Variants in RGSL1 observed in about 807,000 individuals in gnomAD.
The protein encoded by RGSL1 is regulator of G protein signaling like 1.
A neutral mutation model predicts 124.7 loss-of-function variants in RGSL1; 97 were observed. The ratio of observed to expected loss-of-function variants is 0.78; its 90% CI spans 0.66 to 0.92. The LOEUF (loss-of-function observed/expected upper bound fraction) is 0.92, where lower values mean the gene tolerates loss of function less well. RGSL1 is among the 40% of genes least tolerant of loss of function. The pLI is 0.00. For synonymous variants in RGSL1, 424 were observed against 438.1 expected (o/e 0.97, Z 0.40); for missense variants, 1,233 against 1,288.4 (o/e 0.96, Z 0.66).
Position 182,460,127 on chromosome 1 carries a change from G to T in RGSL1, c.295G>T (p.Glu99Ter). The change falls in exon 4 of 22, where the codon GAA becomes TAA. Residue 99 changes from glutamate (E) to a stop codon, truncating the protein, a stop_gained. Coordinates refer to ENST00000294854, the MANE Select transcript of RGSL1 (RefSeq NM_001137669.2). LOFTEE classifies it high-confidence loss of function. Reference protein sequence around the residue: ...QEFISFIKSPEGGEELVDFWI... With the variant: ...QEFISFIKSP ...GTTCATCAGTTTCATTAAGTCCCCA[G>T]AAGGAGGTAAGCATTGGTGTGCATG... is the stretch of plus-strand genomic sequence containing the variant. 1 of 1,550,456 alleles carries T rather than the reference G, an allele frequency of 6.4e-7. No individual in the cohort carries two copies. Among genetic ancestry groups the T allele is most frequent in the Non-Finnish European group, 8.7e-7 (1 of 1,146,688 alleles).
intron 4 of RGSL1, among the ~76,000 whole-genome samples, chr1:182,465,636 C>T (rs562064383): frequency 6.6e-6 from 1 of 152,030 alleles, no homozygotes; most frequent in East Asian, 1.9e-4. Flanking sequence ...TCTGAGTAGA[C>T]CTATAACTAG....
intron 9 of RGSL1, among the ~76,000 whole-genome samples, chr1:182,502,530 C>G (rs1263139596): frequency 6.6e-6 from 1 of 152,136 alleles, no homozygotes; most frequent in Non-Finnish European, 1.5e-5. Flanking sequence ...GACCTATGAT[C>G]ATGCCACAGT....
At chr1:182,516,614 T>C (rs482061) in intron 9 of RGSL1, among the ~76,000 whole-genome samples, 131,519 of 152,156 alleles carry the variant, frequency 0.86, 57,165 homozygotes, top group Non-Finnish European at 0.89. Flanking sequence ...GTATTATAGA[T>C]TTTTGCATTG....
intron 8 of RGSL1, among the ~76,000 whole-genome samples, chr1:182,491,318 C>G (rs138134055): frequency 1.3e-5 from 2 of 152,082 alleles, no homozygotes; most frequent in Non-Finnish European, 2.9e-5. Flanking sequence ...CAGGTTCATG[C>G]AATTCTCCTG....
intron 9 of RGSL1, among the ~76,000 whole-genome samples, chr1:182,505,526 C>T (rs533472272): frequency 1.3e-5 from 2 of 152,254 alleles, no homozygotes; most frequent in East Asian, 3.9e-4. Context: ...CCATTTTTGT[C>T]GTATCCTTAG....
At position 182,453,985 on chromosome 1, in the gene RGSL1, T is replaced by TTCTGCTAGAGG; in HGVS notation, c.42_52dup (p.Asp18ValfsTer3). The TTCTGCTAGAGG allele has an allele frequency of 6.5e-7, 1 of 1,532,610 alleles. No individual in the cohort carries two copies. 94.9% of individuals were successfully genotyped at this position (1,532,610 alleles called of 1,614,324 possible). On this transcript the variant is annotated frameshift_variant, in exon 2 of 22. Coordinates refer to ENST00000294854, the MANE Select transcript of RGSL1 (RefSeq NM_001137669.2). LOFTEE classifies it high-confidence loss of function. ...ATAATTGGTTCTACAAATCTTATAA[T>TTCTGCTAGAGG]TCTGCTAGAGGATGAAGTCTTTGCC...
At chr1:182,480,052 T>C (rs1654577217) in intron 6 of RGSL1, among the ~76,000 whole-genome samples, 1 of 152,120 alleles carries the variant, frequency 6.6e-6, no homozygotes, top group African/African-American at 2.4e-5. Context: ...ATAGAAGACT[T>C]CAATACCCCA....
chr1:182,486,922 G>C (rs1452796510), intron 6 of RGSL1, among the ~76,000 whole-genome samples: 1 of 152,014 alleles, frequency 6.6e-6, no homozygotes, highest in East Asian at 1.9e-4. Context: ...TGATCCGCCT[G>C]CCTTGGCCTT....
intron 3 of RGSL1, among the ~76,000 whole-genome samples, 178 bp downstream of exon 3, chr1:182,458,571 G>A (rs898265782): frequency 4.6e-5 from 7 of 152,166 alleles, no homozygotes; most frequent in African/African-American, 1.2e-4. Context: ...CCTGGCTCAA[G>A]CAATCCTCCC....
chr1:182,521,500 GT>G (rs1006154251), intron 9 of RGSL1, among the ~76,000 whole-genome samples: 4 of 152,240 alleles, frequency 2.6e-5, no homozygotes, highest in Non-Finnish European at 4.4e-5. Context: ...AGCAGTGTCC[GT>G]GGGAAAGAAA....
chr1:182,526,387 G>T (rs927939700), intron 10 of RGSL1, among the ~76,000 whole-genome samples: 2 of 152,214 alleles, frequency 1.3e-5, no homozygotes, highest in Non-Finnish European at 2.9e-5. Flanking sequence ...AAGATCAGTG[G>T]CCAGGCATGG....
chr1:182,540,254 C>T lies in RGSL1; in HGVS notation c.2502C>T (p.Thr834=), dbSNP rs61749260. The T allele has an allele frequency of 6.9e-3, 10,628 of 1,544,058 alleles. 407 individuals are homozygous for T. The African/African-American group carries it at 0.099, about 14-fold the overall frequency. Residue 834 remains threonine, a synonymous_variant, in exon 15 of 22, where the codon ACC becomes ACT. Coordinates refer to ENST00000294854, the MANE Select transcript of RGSL1 (RefSeq NM_001137669.2). ...QEMQNSKENF[T]TAHNTSGRSA... is the part of the protein sequence containing the mutation. ...TTCTTCTTTCTCTCTCAGATTTCAC[C>T]ACAGCACACAACACATCGGGACGTT...
intron 2 of RGSL1, among the ~76,000 whole-genome samples, chr1:182,455,595 A>G (rs533062478): frequency 9.1e-4 from 138 of 152,254 alleles, no homozygotes; most frequent in African/African-American, 3.2e-3. Flanking sequence ...AAGAAAGAAA[A>G]AAAAAAAGAA....
chr1:182,486,534 G>A (rs1354279082), intron 6 of RGSL1, among the ~76,000 whole-genome samples: 3 of 151,632 alleles, frequency 2.0e-5, no homozygotes, highest in Non-Finnish European at 2.9e-5. Context: ...TTTTGGTAGA[G>A]CTGGGGTTTC....
rs1462091289 is a variant in RGSL1 at position 182,474,367 on chromosome 1, A to G, written c.1256A>G (p.Asn419Ser). 1.9e-6 allele frequency: 3 copies of G among 1,551,914 alleles called. No homozygotes were observed. Among genetic ancestry groups the G allele is most frequent in the Admixed American group, 3.9e-5 (2 of 51,012 alleles). The change falls in exon 6 of 22, where the codon AAT (asparagine) becomes AGT (serine). Residue 419 changes from asparagine (N) to serine (S), a missense_variant. Transcript: ENST00000294854. ...AGTGTCCTTCTGAATAACAAAAAGAATGGGAATGCAATCTTTCGTCACTTG... is the reference window on the plus strand; with the variant it reads ...AGTGTCCTTCTGAATAACAAAAAGAGTGGGAATGCAATCTTTCGTCACTTG... Reference protein sequence around the residue: ...FLSVLLNNKKNGNAIFRHLLG... With the variant: ...FLSVLLNNKKSGNAIFRHLLG...
chr1:182,534,080 G>A (rs949928703), intron 14 of RGSL1, among the ~76,000 whole-genome samples: 1 of 152,086 alleles, frequency 6.6e-6, no homozygotes, highest in Non-Finnish European at 1.5e-5. Flanking sequence ...ATGACATTTG[G>A]GTTGTTCCAA....
In RGSL1 at chr1:182,540,321, A is replaced by G; in HGVS notation, c.2569A>G (p.Asn857Asp). The change falls in exon 15 of 22, where the codon AAT (asparagine) becomes GAT (aspartate). Residue 857 changes from asparagine (N) to aspartate (D), a missense_variant. Asn to Asp is a conservative substitution (Grantham distance 23). Transcript: ENST00000294854. ...AAATGTCCGGAGTGCAGACCAAGAG[A>G]ATGGAGAAATAACCCTTGTAAAGCG... ...STNVRSADQE[N>D]GEITLVKRRI... The G allele has an allele frequency of 6.4e-7, 1 of 1,551,532 alleles. No individual in the cohort carries two copies. Among genetic ancestry groups the G allele is most frequent in the Non-Finnish European group, 8.7e-7 (1 of 1,146,822 alleles).
chr1:182,532,827 G>T (rs1356053955), intron 14 of RGSL1, 36 bp downstream of exon 14: 2 of 1,536,744 alleles, frequency 1.3e-6, no homozygotes, highest in East Asian at 2.5e-5. Flanking sequence ...ACTCCCTGTT[G>T]ATATTTTAGC....
At chr1:182,473,472 C>T (rs906359201) in intron 5 of RGSL1, 103 bp from the exon 6 acceptor site, 3 of 1,245,356 alleles carry the variant, frequency 2.4e-6, no homozygotes, top group African/African-American at 1.5e-5. Flanking sequence ...TAATAAAATG[C>T]TATATACAAA....
Sources: allele counts gnomAD v4.1 joint callset (sites outside exome capture counted in the v4.1 genomes callset), GRCh38; gene constraint gnomAD v4.1.1; transcripts MANE v1.5; gene names NCBI Gene and HGNC (gene_info 2026-07-23, HGNC 2026-07-21).